GABPB1: variants seen among roughly 807,000 people sequenced by gnomAD.
The protein encoded by GABPB1 is GA-binding protein subunit beta-1.
A neutral mutation model predicts 45.9 loss-of-function variants in GABPB1; 15 were observed. The ratio of observed to expected loss-of-function variants is 0.33; its 90% confidence interval spans 0.22 to 0.50. The LOEUF (loss-of-function observed/expected upper bound fraction) is 0.50, where lower values mean the gene tolerates loss of function less well. Ranked by LOEUF, GABPB1 falls within the 20% of genes least tolerant of loss-of-function variation. The pLI, the probability that GABPB1 is intolerant of heterozygous loss-of-function variation, is 0.98. For synonymous variants in GABPB1, 143 were observed against 154.4 expected (o/e 0.93, Z 0.55); for missense variants, 252 against 457.5 (o/e 0.55, Z 4.10).
rs539259662 is a variant in GABPB1, at chr15:50,276,387, G to A, written c.*2245C>T. ...TTAATTACAAATTCTTGTCTAAGTAGTGATTTTACAGAACAGTAAATCAGA... is the reference window on the plus strand; with the variant it reads ...TTAATTACAAATTCTTGTCTAAGTAATGATTTTACAGAACAGTAAATCAGA... On this transcript the variant is annotated 3_prime_UTR_variant, in exon 9 of 9. Coordinates refer to ENST00000380877, the MANE Select transcript of GABPB1 (RefSeq NM_016654.5). The A allele has an allele frequency of 6.6e-6, 1 of 152,296 alleles. No homozygotes were observed. The highest frequency in any genetic ancestry group is 6.5e-5 in the Admixed American group (1 of 15,292). The allele number at this position is 152,296 out of a possible 1,614,324, so 9.4% of individuals were successfully genotyped here.
chr15:50,319,469 T>TC (rs1405609019), intron 1 of GABPB1, among the ~76,000 whole-genome samples: 1 of 152,074 alleles, frequency 6.6e-6, no homozygotes, highest in East Asian at 1.9e-4. Context: ...GTGTCTATTA[T>TC]CCCCCTCCGT....
At chr15:50,323,619 G>T (rs2047650480) in intron 1 of GABPB1, among the ~76,000 whole-genome samples, 1 of 152,180 alleles carries the variant, frequency 6.6e-6, no homozygotes, top group African/African-American at 2.4e-5. Flanking sequence ...CAGTATTTGG[G>T]GAGGCTGAGG....
intron 1 of GABPB1, among the ~76,000 whole-genome samples, chr15:50,348,749 C>A (rs2048704986): frequency 6.6e-6 from 1 of 151,972 alleles, no homozygotes; most frequent in East Asian, 2.0e-4. Flanking sequence ...GTAGTCCCAG[C>A]TACTCGGGAG....
At chr15:50,337,206 T>A (rs45508400) in intron 1 of GABPB1, among the ~76,000 whole-genome samples, 2 of 146,450 alleles carry the variant, frequency 1.4e-5, no homozygotes, top group Non-Finnish European at 1.5e-5. Flanking sequence ...TTCCCAAAGC[T>A]CCAGACTTCA....
intron 1 of GABPB1, among the ~76,000 whole-genome samples, chr15:50,346,790 C>CTTTTTTTT (rs796246086): frequency 7.5e-6 from 1 of 133,388 alleles, no homozygotes; most frequent in African/African-American, 2.9e-5. Flanking sequence ...TGTCTGGAGT[C>CTTTTTTTT]TTTTTTTTTT....
chr15:50,335,769 G>A (rs757839786), intron 1 of GABPB1, among the ~76,000 whole-genome samples: 9 of 151,548 alleles, frequency 5.9e-5, no homozygotes, highest in African/African-American at 1.2e-4. Context: ...GGTGGCATGC[G>A]CCTGTAATCC....
intron 1 of GABPB1, among the ~76,000 whole-genome samples, chr15:50,345,650 ACAG>A (rs2048541445): frequency 6.6e-6 from 1 of 152,350 alleles, no homozygotes; most frequent in African/African-American, 2.4e-5. Flanking sequence ...GCTAGAAAGA[ACAG>A]TAGCAGCAGT....
At chr15:50,331,588 T>A (rs2047949324) in intron 1 of GABPB1, among the ~76,000 whole-genome samples, 1 of 152,230 alleles carries the variant, frequency 6.6e-6, no homozygotes. Flanking sequence ...TTATTGAGAT[T>A]ACTAGCAAGT....
chr15:50,354,845 GA>G (rs2049037080), intron 1 of GABPB1, 139 bp downstream of exon 1: 1 of 230,484 alleles, frequency 4.3e-6, no homozygotes, highest in Non-Finnish European at 8.6e-6. Context: ...AGGAGCCCCG[GA>G]AACCCGGCGC....
At chr15:50,340,132 C>T (rs1011144120) in intron 1 of GABPB1, among the ~76,000 whole-genome samples, 1 of 152,112 alleles carries the variant, frequency 6.6e-6, no homozygotes, top group Non-Finnish European at 1.5e-5. Context: ...CTGCTTTGTC[C>T]CTTCACCATA....
intron 1 of GABPB1, among the ~76,000 whole-genome samples, chr15:50,336,736 G>A (rs1349553800): frequency 6.6e-6 from 1 of 151,692 alleles, no homozygotes. Flanking sequence ...AGTTAGGTAT[G>A]TCAAGAATGC....
At chr15:50,337,075 G>GTGTA (rs1283881585) in intron 1 of GABPB1, among the ~76,000 whole-genome samples, 5 of 14,196 alleles carry the variant, frequency 3.5e-4, no homozygotes, top group East Asian at 2.1e-3. Flanking sequence ...ATATGTGTGT[G>GTGTA]TATATATATA....
intron 6 of GABPB1, among the ~76,000 whole-genome samples, chr15:50,290,777 A>C (rs1460381939): frequency 1.3e-5 from 2 of 152,218 alleles, no homozygotes; most frequent in Non-Finnish European, 2.9e-5. Flanking sequence ...GTGTATGTTA[A>C]CATTTCCACA....
chr15:50,320,108 G>A (rs2047505878), intron 1 of GABPB1, among the ~76,000 whole-genome samples: 1 of 152,132 alleles, frequency 6.6e-6, no homozygotes, highest in Non-Finnish European at 1.5e-5. Context: ...CACAAAAAGG[G>A]GATCATACTA....
Position 50,278,543 on chromosome 15 carries a change from T to A in GABPB1, c.*89A>T. On this transcript the variant is annotated 3_prime_UTR_variant, in exon 9 of 9. Transcript: ENST00000380877. ...ATCTGTAGTCTCTTCTATCATTCTG[T>A]ATTCCCATGGCTGTACCTTTGTTGT... 1.0e-6 allele frequency: 1 copy of A among 1,003,252 alleles called. No homozygotes were observed. Among genetic ancestry groups the A allele is most frequent in the East Asian group, 2.6e-5 (1 of 38,900 alleles). The allele number at this position is 1,003,252 out of a possible 1,614,324, so 62.1% of individuals were successfully genotyped here.
At chr15:50,325,298 T>A (rs1379840036) in intron 1 of GABPB1, among the ~76,000 whole-genome samples, 2 of 121,496 alleles carry the variant, frequency 1.6e-5, no homozygotes, top group African/African-American at 2.9e-5. Context: ...CAATATGATG[T>A]TATGCCAAAA....
In GABPB1 at chr15:50,310,383, C is replaced by A. The variant is rs2047089661; in HGVS notation, c.1-585G>T. Among the ~76,000 whole-genome samples the A allele has an allele frequency of 1.3e-5, 2 of 152,078 alleles. 1 individual carries two copies. The highest frequency in any genetic ancestry group is 4.1e-4 in the South Asian group (2 of 4,822). ...GATGGGATTACAGGCATGAGCCACC[C>A]CACCCAGCCAAGCTGGTCTAAAATT... On this transcript the variant is annotated intron_variant, in intron 1 of 8. Coordinates refer to ENST00000380877, the MANE Select transcript of GABPB1 (RefSeq NM_016654.5).
Position 50,278,577 on chromosome 15 carries a change from C to A in GABPB1, c.*55G>T. On this transcript the variant is annotated 3_prime_UTR_variant, in exon 9 of 9. Transcript: ENST00000380877. ...GGCTGTACCTTTGTTGTGTACAGTT[C>A]AAGATTGTATTCTTTCTTGACCAAA... 8.0e-6 allele frequency: 12 copies of A among 1,501,928 alleles called. No homozygotes were observed. The highest frequency in any genetic ancestry group is 1.4e-5 in the African/African-American group (1 of 72,408). The allele number at this position is 1,501,928 out of a possible 1,614,324, so 93.0% of individuals were successfully genotyped here.
intron 6 of GABPB1, among the ~76,000 whole-genome samples, chr15:50,296,015 T>C (rs1027410418): frequency 1.3e-5 from 2 of 152,204 alleles, no homozygotes; most frequent in Non-Finnish European, 2.9e-5. Context: ...GTCATTTCCA[T>C]TTTCTAATGG....
Sources: gnomAD v4.1 joint callset for allele counts (sites outside exome capture counted in the v4.1 genomes callset) on GRCh38, gnomAD v4.1.1 for gene constraint, MANE v1.5 for transcripts, NCBI Gene and HGNC (gene_info 2026-07-23, HGNC 2026-07-21) for gene names.